The following CFAP299 variants were observed in gnomAD, a reference collection of about 807,000 sequenced individuals.
CFAP299 encodes cilia- and flagella-associated protein 299.
Under a neutral mutation model 27.0 loss-of-function variants are expected in CFAP299, and 21 were observed. That is an observed-to-expected ratio of 0.78 (90% CI 0.55 to 1.12). The LOEUF (loss-of-function observed/expected upper bound fraction) is 1.12. Ranked by LOEUF, CFAP299 falls within the 50% of genes most tolerant of loss-of-function variation. CFAP299 has a pLI of 0.00. For synonymous variants in CFAP299, 104 were observed against 98.1 expected (o/e 1.06, Z -0.36); for missense variants, 310 against 276.6 (o/e 1.12, Z -0.86).
chr4:80,795,620 T>C (rs1270197061), intron 3 of CFAP299, among the ~76,000 whole-genome samples: 2 of 152,148 alleles, frequency 1.3e-5, no homozygotes, highest in East Asian at 1.9e-4. Context: ...CACTTACTCG[T>C]GTAAGTTGCT....
chr4:80,515,081 C>T (rs904458331), intron 2 of CFAP299, among the ~76,000 whole-genome samples: 1 of 152,058 alleles, frequency 6.6e-6, no homozygotes, highest in Admixed American at 6.5e-5. Flanking sequence ...AAACTGCATG[C>T]AGAAATTTTA....
intron 2 of CFAP299, among the ~76,000 whole-genome samples, chr4:80,475,616 C>A (rs1052347804): frequency 1.1e-4 from 16 of 152,150 alleles, no homozygotes; most frequent in African/African-American, 3.9e-4. Flanking sequence ...ATAAGAATAT[C>A]TTTTCGATAT....
chr4:80,623,309 G>C (rs1738702225), intron 3 of CFAP299, among the ~76,000 whole-genome samples: 1 of 152,026 alleles, frequency 6.6e-6, no homozygotes, highest in Non-Finnish European at 1.5e-5. Context: ...ATATGTCCAA[G>C]ATAAAATTAA....
At chr4:80,963,340 T>C (rs1738437315) in intron 5 of CFAP299, among the ~76,000 whole-genome samples, 177 bp from the exon 6 acceptor site, 2 of 151,946 alleles carry the variant, frequency 1.3e-5, no homozygotes, top group Admixed American at 6.6e-5. Flanking sequence ...AAGCTCCTAA[T>C]TGGAATTATG....
chr4:80,607,949 A>C (rs1321064550), intron 3 of CFAP299, among the ~76,000 whole-genome samples: 1 of 152,182 alleles, frequency 6.6e-6, no homozygotes, highest in Non-Finnish European at 1.5e-5. Context: ...GTATTGTAAC[A>C]ATGTGAAGGT....
chr4:80,757,481 T>C (rs185688667), intron 3 of CFAP299, among the ~76,000 whole-genome samples: 32 of 152,254 alleles, frequency 2.1e-4, no homozygotes, highest in Admixed American at 1.6e-3. Flanking sequence ...ATCCAAAACA[T>C]TTTCTGACAG....
chr4:80,852,693 A>T (rs1223669579), intron 3 of CFAP299, among the ~76,000 whole-genome samples: 1 of 152,128 alleles, frequency 6.6e-6, no homozygotes, highest in Non-Finnish European at 1.5e-5. Context: ...TAAGTAAGAT[A>T]TGTTTATTTC....
chr4:80,372,331 G>C (rs1384856689), intron 2 of CFAP299, among the ~76,000 whole-genome samples: 1 of 152,192 alleles, frequency 6.6e-6, no homozygotes, highest in Non-Finnish European at 1.5e-5. Flanking sequence ...GGGGATTACA[G>C]TTTGGCATGA....
intron 3 of CFAP299, among the ~76,000 whole-genome samples, chr4:80,752,771 C>T (rs2110072017): frequency 6.6e-6 from 1 of 151,988 alleles, no homozygotes; most frequent in Non-Finnish European, 1.5e-5. Context: ...CCACTATTGG[C>T]TTTTCATTTA....
intron 2 of CFAP299, among the ~76,000 whole-genome samples, chr4:80,446,071 A>G (rs1312790677): frequency 2.0e-5 from 3 of 152,202 alleles, no homozygotes; most frequent in Admixed American, 6.5e-5. Context: ...GGAGATTAGC[A>G]TGCTTGACAT....
chr4:80,710,172 T>C (rs7662939), intron 3 of CFAP299, among the ~76,000 whole-genome samples: 6,965 of 152,278 alleles, frequency 0.046, 551 homozygotes, highest in African/African-American at 0.16. Context: ...GGATTTCTTC[T>C]GAGCCTTAGT....
intron 3 of CFAP299, among the ~76,000 whole-genome samples, chr4:80,649,657 C>CTAAAGTAAAGTAAAAATTAA (rs1190269940): frequency 6.6e-6 from 1 of 151,800 alleles, no homozygotes; most frequent in Non-Finnish European, 1.5e-5. Context: ...AAGAACTTGC[C>CTAAAGTAAAGTAAAAATTAA]TAAAGTAAAA....
chr4:80,332,801 C>G (rs190809291), upstream of CFAP299, among the ~76,000 whole-genome samples: 1 of 152,286 alleles, frequency 6.6e-6, no homozygotes, highest in East Asian at 1.9e-4. Context: ...CGTCTATTCA[C>G]AGGTGCTATG....
intron 2 of CFAP299, among the ~76,000 whole-genome samples, chr4:80,457,434 A>G (rs1450542936): frequency 6.6e-6 from 1 of 152,186 alleles, no homozygotes; most frequent in East Asian, 1.9e-4. Context: ...TGGATGTGTC[A>G]CAGGAGCAGC....
chr4:80,468,901 C>A (rs1016580054), intron 2 of CFAP299, among the ~76,000 whole-genome samples: 1 of 149,958 alleles, frequency 6.7e-6, no homozygotes, highest in Non-Finnish European at 1.5e-5. Context: ...TTAGAAAACT[C>A]ATTGGCAAAT....
chr4:80,706,497 C>T (rs1170678030), intron 3 of CFAP299, among the ~76,000 whole-genome samples: 1 of 151,786 alleles, frequency 6.6e-6, no homozygotes, highest in Non-Finnish European at 1.5e-5. Flanking sequence ...ACTTTCCCAA[C>T]ATAAACACAT....
chr4:80,829,331 A>G (rs1730169976), intron 3 of CFAP299, among the ~76,000 whole-genome samples: 1 of 152,058 alleles, frequency 6.6e-6, no homozygotes, highest in African/African-American at 2.4e-5. Flanking sequence ...AAAGACTCTC[A>G]ATATCACTAA....
chr4:80,744,290 G>A (rs894128439), intron 3 of CFAP299, among the ~76,000 whole-genome samples: 16 of 151,694 alleles, frequency 1.1e-4, no homozygotes, highest in Non-Finnish European at 2.1e-4. Flanking sequence ...CAAGGACAGC[G>A]TGCCTTCATC....
intron 3 of CFAP299, among the ~76,000 whole-genome samples, chr4:80,726,827 A>C (rs1723190513): frequency 6.6e-6 from 1 of 152,160 alleles, no homozygotes; most frequent in Non-Finnish European, 1.5e-5. Context: ...ATGTTTTTAC[A>C]GTATTACCAC....
Sources: gnomAD v4.1 joint callset for allele counts (sites outside exome capture counted in the v4.1 genomes callset) on GRCh38, gnomAD v4.1.1 for gene constraint, MANE v1.5 for transcripts, NCBI Gene and HGNC (gene_info 2026-07-23, HGNC 2026-07-21) for gene names.